Variants in DDX11 observed in about 807,000 individuals in gnomAD.
DDX11 encodes the protein DEAD/H-box helicase 11.
In DDX11, 72 loss-of-function variants were observed where a neutral mutation model predicts 125.2. The observed-to-expected ratio is 0.58, with a 90% CI of 0.48 to 0.70. DDX11 has a LOEUF of 0.70. Ranked by LOEUF, DDX11 falls within the 30% of genes least tolerant of loss-of-function variation. The pLI, the probability that DDX11 is intolerant of heterozygous loss-of-function variation, is 0.00. For synonymous variants in DDX11, 347 were observed against 452.6 expected (o/e 0.77, Z 2.96); for missense variants, 883 against 1,165.0 (o/e 0.76, Z 3.52).
chr12:31,090,757 A>G (rs1429164606), intron 9 of DDX11, among the ~76,000 whole-genome samples: 1 of 152,246 alleles, frequency 6.6e-6, no homozygotes, highest in African/African-American at 2.4e-5. Context: ...TAATCCAGAA[A>G]AAAATGTAAG....
Position 31,084,213 on chromosome 12 carries a change from G to T in DDX11, c.393+152G>T, listed in dbSNP as rs117560158. The T allele has an allele frequency of 2.6e-5, 28 of 1,079,066 alleles. No individual in the cohort carries two copies. In the East Asian group the frequency reaches 6.4e-4, roughly 25 times the overall value. The allele number at this position is 1,079,066 out of a possible 1,614,324, so 66.8% of individuals were successfully genotyped here. A position where few individuals can be genotyped will look rare whatever the true frequency, so the allele number is the denominator to read the frequency against. Reference sequence around the variant, plus strand: ...CTCAGCTCCTTGGGTCTATGGTGCTGCCGCTGTGCTGTCTTTTTTGAGCTG... The same window carrying T: ...CTCAGCTCCTTGGGTCTATGGTGCTTCCGCTGTGCTGTCTTTTTTGAGCTG... On this transcript the variant is annotated intron_variant, in intron 3 of 26. Coordinates refer to ENST00000542838, the MANE Select transcript of DDX11 (RefSeq NM_030653.4).
rs1940319650 is a variant in DDX11 at position 31,073,932 on chromosome 12, G to A, written c.-164G>A. ...AGTGGCGTTTGCCCTGATTCCCGGG[G>A]CCTGGCTTTCAGCGTAGCAATTCTG... On this transcript the variant is annotated 5_prime_UTR_variant, in exon 1 of 27. Transcript: ENST00000542838. The A allele has an allele frequency of 6.6e-6, 1 of 152,282 alleles. No individual in the cohort carries two copies. Among genetic ancestry groups the A allele is most frequent in the African/African-American group, 2.4e-5 (1 of 41,476 alleles). 9.4% of individuals were successfully genotyped at this position (152,282 alleles called of 1,614,324 possible).
chr12:31,082,463 C>T (rs1012808388), intron 2 of DDX11, among the ~76,000 whole-genome samples: 63 of 152,150 alleles, frequency 4.1e-4, no homozygotes, highest in African/African-American at 1.5e-3. Flanking sequence ...ACCCTGGCAC[C>T]TGGCTGTGGA....
At chr12:31,093,023 A>G in intron 11 of DDX11, 131 bp downstream of exon 11, 1 of 1,060,178 alleles carries the variant, frequency 9.4e-7, no homozygotes. Context: ...CATGCCATTC[A>G]TGTCCTAGGC....
At chr12:31,075,519 A>G (rs1158263909) in intron 1 of DDX11, among the ~76,000 whole-genome samples, 1 of 151,684 alleles carries the variant, frequency 6.6e-6, no homozygotes, top group African/African-American at 2.4e-5. Context: ...TTCTTTCTCT[A>G]TAAAATAGAG....
In DDX11 at chr12:31,089,084, T is replaced by G; in HGVS notation, c.725T>G (p.Phe242Cys). 2 of 1,614,012 alleles carry G rather than the reference T, an allele frequency of 1.2e-6. No homozygotes were observed. The highest frequency in any genetic ancestry group is 1.7e-6 in the Non-Finnish European group (2 of 1,179,848). ...CGGACACACTCCCAGCTGGCCCAGT[T>G]TGTGCATGAGGTGAAGAAGAGCCCC... is the stretch of plus-strand genomic sequence containing the variant. ...CSRTHSQLAQ[F>C]VHEVKKSPFG... The change falls in exon 7 of 27, where the codon TTT (phenylalanine) becomes TGT (cysteine). Residue 242 changes from phenylalanine (F) to cysteine (C), a missense_variant. Phe to Cys is a radical substitution (Grantham distance 205). Around this residue, in one of 5 missense-constraint regions of DDX11, gnomAD observed 283 missense variants for 359.6 expected, o/e 0.79. Coordinates refer to ENST00000542838, the MANE Select transcript of DDX11 (RefSeq NM_030653.4).
chr12:31,089,361 C>T (rs371000444), intron 7 of DDX11, 42 bp from the exon 8 acceptor site: 30 of 1,604,146 alleles, frequency 1.9e-5, no homozygotes, highest in Non-Finnish European at 2.3e-5. Context: ...TGTCATTTAG[C>T]TGGCACCATC....
rs1943807014 is a variant in DDX11, at chr12:31,089,550, C to T, written c.880+60C>T. The T allele has an allele frequency of 5.2e-6, 8 of 1,534,538 alleles. No homozygotes were observed. In the Admixed American group the frequency reaches 1.0e-4, roughly 19 times the overall value. ...TCTGGAGAGAGTGAGGCAGGGGTGG[C>T]AGTGACTGAAGACCATTAAGTGTCT... On this transcript the variant is annotated intron_variant, in intron 8 of 26. Transcript: ENST00000542838.
chr12:31,091,937 C>G (rs1944315950), intron 10 of DDX11, 66 bp downstream of exon 10: 16 of 1,606,354 alleles, frequency 1.0e-5, no homozygotes, highest in Non-Finnish European at 1.2e-5. Context: ...ATGGTTCCTC[C>G]AGACACCTGG....
rs146376682 is a variant in DDX11, at chr12:31,089,285, C to T, written c.793-118C>T. ...GTGTGAGGAGCAGCCCCCTCCCTGA[C>T]CTGGCCGGCCCAGCACTGGAAGGCA... On this transcript the variant is annotated intron_variant, in intron 7 of 26. Transcript: ENST00000542838. 9.9e-4 allele frequency: 1,359 copies of T among 1,375,702 alleles called. 17 individuals are homozygous for T. The African/African-American group carries it at 0.017, about 17-fold the overall frequency. The allele number at this position is 1,375,702 out of a possible 1,614,324, so 85.2% of individuals were successfully genotyped here.
intron 5 of DDX11, chr12:31,087,692 A>T (rs1943396294): frequency 3.2e-6 from 2 of 618,980 alleles, no homozygotes; most frequent in Non-Finnish European, 5.8e-6. Context: ...CCGACTCAAG[A>T]CTTGGGTTGG....
chr12:31,076,663 C>T (rs948357933), intron 1 of DDX11, among the ~76,000 whole-genome samples: 1 of 152,130 alleles, frequency 6.6e-6, no homozygotes, highest in Non-Finnish European at 1.5e-5. Flanking sequence ...AGCAAAAGAC[C>T]ACTGTAGAGT....
chr12:31,102,161 G>A (rs1396759219), intron 21 of DDX11, 82 bp from the exon 22 acceptor site: 2 of 1,471,826 alleles, frequency 1.4e-6, no homozygotes, highest in Non-Finnish European at 1.9e-6. Flanking sequence ...CAGTCCCCTG[G>A]CCAGAAAACA....
chr12:31,077,492 T>A (rs887977117), intron 1 of DDX11, among the ~76,000 whole-genome samples: 4 of 151,904 alleles, frequency 2.6e-5, no homozygotes, highest in African/African-American at 9.7e-5. Flanking sequence ...GTGGTGGCTC[T>A]GTTCGGTGCT....
Position 31,101,844 on chromosome 12 carries a change from G to A in DDX11, c.2064G>A (p.Val688=). 6.2e-7 allele frequency: 1 copy of A among 1,613,950 alleles called. No homozygotes were observed. The stretch of plus-strand genomic sequence containing the variant: ...CTTTCCTTCCTTAGATGGACGAGGT[G>A]GGTCGCATTCTCTGTAACCTGTGCG... The part of the protein sequence containing the change: ...KRELPQMMDE[V]GRILCNLCGV... The change falls in exon 21 of 27, where the codon GTG becomes GTA. Residue 688 remains valine, a synonymous_variant. Transcript: ENST00000542838.
intron 1 of DDX11, among the ~76,000 whole-genome samples, chr12:31,077,327 A>T (rs1219691939): frequency 6.6e-6 from 1 of 152,140 alleles, no homozygotes; most frequent in Non-Finnish European, 1.5e-5. Context: ...CGTGGAGCAG[A>T]GTTTTTCTTA....
At position 31,078,538 on chromosome 12, in the gene DDX11, G is replaced by C; in HGVS notation, c.144+1G>C. ...GATATTTGAGAGTCCAACTGGCACTGTGAGTATGAACAGTGAGAGATACTG... is the reference window on the plus strand; with the variant it reads ...GATATTTGAGAGTCCAACTGGCACTCTGAGTATGAACAGTGAGAGATACTG... On this transcript the variant is annotated splice_donor_variant, in intron 2 of 26. Transcript: ENST00000542838. LOFTEE classifies it high-confidence loss of function. 6.2e-7 allele frequency: 1 copy of C among 1,611,944 alleles called. No individual in the cohort carries two copies. Among genetic ancestry groups the C allele is most frequent in the Non-Finnish European group, 8.5e-7 (1 of 1,179,806 alleles).
rs528617984 is a variant in DDX11 at position 31,088,079 on chromosome 12, C to T, written c.684+96C>T. On this transcript the variant is annotated intron_variant, in intron 6 of 26. Transcript: ENST00000542838. ...CTGGAGTCACTTGGCTACTTCTCAC[C>T]CTCCTCTCCACAAAGGAGGAGCTTC... 3.4e-5 allele frequency: 52 copies of T among 1,544,630 alleles called. No individual in the cohort carries two copies. In the South Asian group the frequency reaches 5.1e-4, roughly 15 times the overall value.
At position 31,100,621 on chromosome 12, in the gene DDX11, G is replaced by T. The variant is rs1448055376; in HGVS notation, c.1876-14G>T. 3 of 1,551,828 alleles carry T rather than the reference G, an allele frequency of 1.9e-6. No individual in the cohort carries two copies. Among genetic ancestry groups the T allele is most frequent in the East Asian group, 4.9e-5 (2 of 40,964 alleles). ...GGGGTCATGGGGCCGTGACGCTGTGGCCTTGGTCTACAGGTGTCTGACTTC... is the reference window on the plus strand; with the variant it reads ...GGGGTCATGGGGCCGTGACGCTGTGTCCTTGGTCTACAGGTGTCTGACTTC... On this transcript the variant is annotated splice_polypyrimidine_tract_variant and intron_variant, in intron 18 of 26. Coordinates refer to ENST00000542838, the MANE Select transcript of DDX11 (RefSeq NM_030653.4).
Sources: gnomAD v4.1 joint callset for allele counts (sites outside exome capture counted in the v4.1 genomes callset) on GRCh38, gnomAD v4.1.1 for gene constraint, gnomAD v4.1.1 regional missense constraint, MANE v1.5 for transcripts, NCBI Gene and HGNC (gene_info 2026-07-23, HGNC 2026-07-21) for gene names.